The following SYNE2 variants were observed in gnomAD, a reference collection of about 807,000 sequenced individuals.
SYNE2 encodes the protein spectrin repeat containing nuclear envelope protein 2.
A neutral mutation model predicts 856.3 loss-of-function variants in SYNE2; 431 were observed. The ratio of observed to expected loss-of-function variants is 0.50; its 90% CI spans 0.47 to 0.55. The LOEUF (loss-of-function observed/expected upper bound fraction) is 0.55, where lower values mean the gene tolerates loss of function less well. Ranked by LOEUF, SYNE2 falls within the 20% of genes least tolerant of loss-of-function variation. The pLI, the probability that SYNE2 is intolerant of heterozygous loss-of-function variation, is 0.00. For missense variants in SYNE2, 8,129 were observed against 8,023.2 expected, an observed-to-expected ratio of 1.01 and a Z score of -0.50; for synonymous variants, 2,923 against 2,872.3, an observed-to-expected ratio of 1.02 and a Z score of -0.56.
chr14:63,962,459 G>C (rs968568777), intron 9 of SYNE2, among the ~76,000 whole-genome samples: 2 of 152,126 alleles, frequency 1.3e-5, no homozygotes, highest in African/African-American at 4.8e-5. Flanking sequence ...GGTTGTTAGT[G>C]TATTTACATG....
rs1325476466 is a variant in SYNE2, at chr14:64,163,419, G to A, written c.16317G>A (p.Val5439=). Residue 5439 remains valine (V), a synonymous_variant, in exon 89 of 116, where the codon GTG becomes GTA. Transcript: ENST00000555002. ...LQDIKELQHD[V]QKTKEAFLQN... ...TTCTGCAGGAGCTGCAGCATGATGT[G>A]CAGAAAACAAAAGAAGCCTTTCTCC... The A allele has an allele frequency of 6.2e-7, 1 of 1,614,006 alleles. No homozygotes were observed. The highest frequency in any genetic ancestry group is 1.1e-5 in the South Asian group (1 of 91,078).
chr14:64,134,163 C>T lies in SYNE2; in HGVS notation c.14609C>T (p.Thr4870Ile), dbSNP rs1595748013. 6.2e-7 allele frequency: 1 copy of T among 1,614,040 alleles called. No homozygotes were observed. The highest frequency in any genetic ancestry group is 8.5e-7 in the Non-Finnish European group (1 of 1,179,964). The change falls in exon 78 of 116, where the codon ACA becomes ATA. Residue 4870 changes from threonine (T) to isoleucine (I), a missense_variant. Thr to Ile is a moderately conservative substitution (Grantham distance 89). Around this residue, in one of 3 missense-constraint regions of SYNE2, gnomAD observed 5,410 missense variants for 5,284.8 expected, o/e 1.02. Transcript: ENST00000555002. Reference protein sequence around the residue: ...TLPSVSLVEETEERLVERISF... With the variant: ...TLPSVSLVEEIEERLVERISF... ...CCCTCTGTGAGTTTGGTGGAAGAAA[C>T]AGAGGAAAGATTAGTGGAAAGGATT...
At chr14:63,990,883 C>CTTAAGAATTTA (rs1239217966) in intron 20 of SYNE2, 59 bp from the exon 21 acceptor site, 32 of 1,412,074 alleles carry the variant, frequency 2.3e-5, no homozygotes, top group Admixed American at 5.2e-5. Context: ...TATTTGTTAA[C>CTTAAGAATTTA]TTAAGAATTT....
At chr14:63,797,330 G>C (rs969855675) in intron 1 of SYNE2, among the ~76,000 whole-genome samples, 17 of 151,876 alleles carry the variant, frequency 1.1e-4, no homozygotes, top group Non-Finnish European at 2.4e-4. Context: ...GGCGGAGGTT[G>C]CAGTGAGCCA....
At chr14:63,994,048 G>C in intron 22 of SYNE2, 79 bp downstream of exon 22, 1 of 1,456,934 alleles carries the variant, frequency 6.9e-7, no homozygotes, top group African/African-American at 1.4e-5. Flanking sequence ...GCCATTCCTG[G>C]GGTTTTCCTG....
chr14:63,918,299 G>A (rs2095555979), intron 2 of SYNE2, among the ~76,000 whole-genome samples: 1 of 152,154 alleles, frequency 6.6e-6, no homozygotes, highest in Non-Finnish European at 1.5e-5. Context: ...AAATGTGCCT[G>A]TTCAAAACAT....
chr14:64,183,771 A>G (rs1567576229), intron 96 of SYNE2, among the ~76,000 whole-genome samples: 1 of 151,904 alleles, frequency 6.6e-6, no homozygotes, highest in Non-Finnish European at 1.5e-5. Context: ...CGAAAACCAG[A>G]CAGACGTGGT....
chr14:63,905,970 T>A (rs542792904), intron 1 of SYNE2, among the ~76,000 whole-genome samples: 1 of 152,196 alleles, frequency 6.6e-6, no homozygotes, highest in Non-Finnish European at 1.5e-5. Flanking sequence ...TGAGGTATGT[T>A]CCTTCAATGC....
At chr14:64,145,824 C>T (rs1567454107) in intron 83 of SYNE2, among the ~76,000 whole-genome samples, 1 of 152,118 alleles carries the variant, frequency 6.6e-6, no homozygotes, top group Non-Finnish European at 1.5e-5. Flanking sequence ...ATCTGAAACT[C>T]CACAACAGCT....
At chr14:64,144,018 A>G in intron 83 of SYNE2, 70 bp downstream of exon 83, 3 of 1,574,196 alleles carry the variant, frequency 1.9e-6, no homozygotes, top group Non-Finnish European at 2.6e-6. Flanking sequence ...AAAATCAAAA[A>G]AGACGTTCAA....
intron 43 of SYNE2, among the ~76,000 whole-genome samples, 178 bp downstream of exon 43, chr14:64,027,971 A>G (rs560530008): frequency 3.3e-5 from 5 of 152,098 alleles, no homozygotes; most frequent in African/African-American, 1.2e-4. Flanking sequence ...CAGTGGCATG[A>G]TCTCAGCTCA....
chr14:64,024,311 C>G lies in SYNE2; in HGVS notation c.5692C>G (p.Leu1898Val), dbSNP rs2096960601. 6.2e-7 allele frequency: 1 copy of G among 1,613,984 alleles called. No homozygotes were observed. The highest frequency in any genetic ancestry group is 1.1e-5 in the South Asian group (1 of 91,084). The change falls in exon 39 of 116, where the codon CTG becomes GTG. Residue 1898 changes from leucine to valine, a missense_variant. By Grantham distance (32) the Leu-to-Val change is conservative (BLOSUM62 1). Transcript: ENST00000555002. ...NSKIKQVDSVLKHVKKHLPKA... is the reference protein window; with the variant it reads ...NSKIKQVDSVVKHVKKHLPKA... ...TAAAATAAAGCAGGTGGACAGCGTACTGAAGCATGTGAAGAAGCATCTGCC... is the reference window on the plus strand; with the variant it reads ...TAAAATAAAGCAGGTGGACAGCGTAGTGAAGCATGTGAAGAAGCATCTGCC...
At chr14:64,150,752 T>G (rs1012812154) in intron 84 of SYNE2, among the ~76,000 whole-genome samples, 2 of 152,216 alleles carry the variant, frequency 1.3e-5, no homozygotes, top group Non-Finnish European at 2.9e-5. Flanking sequence ...TGTTTTCATT[T>G]ATAACTTTGC....
intron 96 of SYNE2, among the ~76,000 whole-genome samples, chr14:64,183,401 A>G (rs1255979): frequency 0.53 from 79,494 of 150,010 alleles, 23,328 homozygotes; most frequent in African/African-American, 0.8. Context: ...ACGGGATGGC[A>G]GCCAGGAAGA....
chr14:64,023,888 T>C (rs2096957162), intron 38 of SYNE2: 1 of 282,404 alleles, frequency 3.5e-6, no homozygotes, highest in South Asian at 3.9e-5. Context: ...GCATGGGCCT[T>C]AACAATTGAT....
chr14:64,120,735 C>T (rs554997998), intron 67 of SYNE2, among the ~76,000 whole-genome samples, 192 bp from the exon 68 acceptor site: 1 of 152,200 alleles, frequency 6.6e-6, no homozygotes, highest in East Asian at 1.9e-4. Flanking sequence ...TGCACTCCAG[C>T]CTGGGCAACA....
intron 2 of SYNE2, among the ~76,000 whole-genome samples, chr14:63,920,126 T>C (rs888846422): frequency 6.6e-6 from 1 of 152,116 alleles, no homozygotes; most frequent in South Asian, 2.1e-4. Flanking sequence ...GTATAAGGAC[T>C]GTGCTGAGCA....
chr14:63,956,574 C>A, intron 8 of SYNE2: 1 of 401,466 alleles, frequency 2.5e-6, no homozygotes, highest in South Asian at 1.9e-5. Flanking sequence ...AGATAATTCA[C>A]ATACCATATG....
rs1306403805 is a variant in SYNE2 at position 64,078,495 on chromosome 14, A to G, written c.11052A>G (p.Pro3684=). The G allele has an allele frequency of 1.2e-6, 2 of 1,614,158 alleles. No homozygotes were observed. Among genetic ancestry groups the G allele is most frequent in the Non-Finnish European group, 8.5e-7 (1 of 1,179,996 alleles). ...KISNEVLKSS[P]SYAMRRKIEE... is the part of the protein sequence containing the mutation. ...GCAATGAAGTCTTAAAAAGCTCACCATCATATGCAATGAGGAGAAAAATAG... is the reference window on the plus strand; with the variant it reads ...GCAATGAAGTCTTAAAAAGCTCACCGTCATATGCAATGAGGAGAAAAATAG... The change falls in exon 55 of 116, where the codon CCA becomes CCG. Residue 3684 remains proline, a synonymous_variant. Transcript: ENST00000555002.
Sources: gnomAD v4.1 joint callset for allele counts (sites outside exome capture counted in the v4.1 genomes callset) on GRCh38, gnomAD v4.1.1 for gene constraint, gnomAD v4.1.1 regional missense constraint, MANE v1.5 for transcripts, NCBI Gene and HGNC (gene_info 2026-07-23, HGNC 2026-07-21) for gene names.